DDAH1: variants seen among roughly 807,000 people sequenced by gnomAD.
DDAH1 encodes dimethylarginine dimethylaminohydrolase 1, also known as N(G),N(G)-dimethylarginine dimethylaminohydrolase 1.
DDAH1 carries 19 observed loss-of-function variants against 28.8 expected under a neutral mutation model. The ratio of observed to expected loss-of-function variants is 0.66; its 90% CI spans 0.46 to 0.97. The LOEUF is 0.97. DDAH1 is among the 50% of genes least tolerant of loss of function. DDAH1 has a pLI of 0.00. For synonymous variants in DDAH1, 153 were observed against 154.4 expected, an observed-to-expected ratio of 0.99 and a Z score of 0.07; for missense variants, 326 against 375.9, an observed-to-expected ratio of 0.87 and a Z score of 1.10.
At chr1:85,339,062 A>T (rs12754297) in intron 4 of DDAH1, among the ~76,000 whole-genome samples, 64,119 of 133,538 alleles carry the variant, frequency 0.48, 16,245 homozygotes, top group East Asian at 0.61. Context: ...AAAAAAAAAA[A>T]ATATATATAT....
intron 1 of DDAH1, among the ~76,000 whole-genome samples, chr1:85,362,395 T>G (rs1332370411): frequency 6.6e-6 from 1 of 152,196 alleles, no homozygotes; most frequent in African/African-American, 2.4e-5. Flanking sequence ...ATATTACCAC[T>G]CTAAGGGACC....
At position 85,550,748 on chromosome 1, in the gene DDAH1, A is replaced by AC. The variant is rs1557752737; in HGVS notation, c.-123+27235_-123+27236insG. Among the ~76,000 whole-genome samples, 1,440 of 150,690 alleles carry AC rather than the reference A, an allele frequency of 9.6e-3. 22 individuals carry two copies. Among genetic ancestry groups the AC allele is most frequent in the African/African-American group, 0.034 (1,394 of 41,150 alleles). ...ATAACCCAAGTAAGTAATAATAAAA[A>AC]ACACACACACACACACACACCATTT... On this transcript the variant is annotated intron_variant, in intron 1 of 6. Transcript: ENST00000426972.
intron 3 of DDAH1, 48 bp downstream of exon 3, chr1:85,351,458 T>A (rs1323102677): frequency 7.0e-7 from 1 of 1,423,390 alleles, no homozygotes; most frequent in South Asian, 1.1e-5. Flanking sequence ...TCTATGATTA[T>A]TTATTAAGTA....
chr1:85,434,896 A>G, intron 1 of DDAH1, among the ~76,000 whole-genome samples: 1 of 152,138 alleles, frequency 6.6e-6, no homozygotes, highest in South Asian at 2.1e-4. Flanking sequence ...AGTATATAAT[A>G]TGAAAGAGTA....
At chr1:85,384,035 A>G in intron 1 of DDAH1, among the ~76,000 whole-genome samples, 1 of 152,170 alleles carries the variant, frequency 6.6e-6, no homozygotes, top group Non-Finnish European at 1.5e-5. Flanking sequence ...GTATTTGATC[A>G]TGATGTGTAA....
chr1:85,363,168 G>A (rs566243065), intron 1 of DDAH1, among the ~76,000 whole-genome samples: 17 of 152,162 alleles, frequency 1.1e-4, no homozygotes, highest in South Asian at 2.1e-4. Flanking sequence ...TCACATCTTC[G>A]TTCTAAATGT....
At chr1:85,389,404 G>A (rs1651432593) in intron 1 of DDAH1, among the ~76,000 whole-genome samples, 1 of 152,062 alleles carries the variant, frequency 6.6e-6, no homozygotes, top group South Asian at 2.1e-4. Flanking sequence ...TTTTAGTCTG[G>A]GAGTCTAGAC....
intron 1 of DDAH1, among the ~76,000 whole-genome samples, chr1:85,375,689 T>G (rs1388854214): frequency 6.6e-6 from 1 of 152,192 alleles, no homozygotes; most frequent in Non-Finnish European, 1.5e-5. Flanking sequence ...TCTGTGCCCT[T>G]TATTCCAAGG....
At chr1:85,410,478 A>G (rs1342525129) in intron 1 of DDAH1, among the ~76,000 whole-genome samples, 3 of 151,918 alleles carry the variant, frequency 2.0e-5, no homozygotes, top group Non-Finnish European at 4.4e-5. Flanking sequence ...CATCTCTACT[A>G]AAAATACAAA....
intron 1 of DDAH1, among the ~76,000 whole-genome samples, chr1:85,507,954 G>A (rs780702699): frequency 1.3e-5 from 2 of 152,140 alleles, no homozygotes; most frequent in South Asian, 2.1e-4. Context: ...AGCTTACTTC[G>A]ATTCAGATTA....
chr1:85,417,933 T>C (rs1260201005), intron 1 of DDAH1, among the ~76,000 whole-genome samples: 1 of 152,260 alleles, frequency 6.6e-6, no homozygotes, highest in Non-Finnish European at 1.5e-5. Flanking sequence ...TACATATATT[T>C]ACATACCACA....
intron 1 of DDAH1, among the ~76,000 whole-genome samples, chr1:85,373,307 G>C (rs1014997193): frequency 6.6e-6 from 1 of 152,072 alleles, no homozygotes; most frequent in Non-Finnish European, 1.5e-5. Context: ...TTTAGAATCT[G>C]TGCAGTGAAC....
chr1:85,451,807 A>G (rs1654681166), intron 1 of DDAH1, among the ~76,000 whole-genome samples: 1 of 152,210 alleles, frequency 6.6e-6, no homozygotes, highest in Admixed American at 6.5e-5. Flanking sequence ...GGAAAGTAGA[A>G]GCAGTAGAAA....
At chr1:85,336,929 GA>G (rs1648169334) in intron 4 of DDAH1, among the ~76,000 whole-genome samples, 1 of 152,038 alleles carries the variant, frequency 6.6e-6, no homozygotes, top group Admixed American at 6.6e-5. Context: ...GATGAATATA[GA>G]CACAAAACTC....
intron 1 of DDAH1, among the ~76,000 whole-genome samples, chr1:85,550,792 C>T (rs563359452): frequency 3.1e-4 from 47 of 152,200 alleles, no homozygotes; most frequent in African/African-American, 9.9e-4. Flanking sequence ...TCCCTGAGCA[C>T]GTATGTATTA....
chr1:85,472,818 C>T (rs994250087), intron 2 of DDAH1, among the ~76,000 whole-genome samples: 2 of 152,208 alleles, frequency 1.3e-5, no homozygotes, highest in Non-Finnish European at 1.5e-5. Flanking sequence ...AACCCATCAT[C>T]CAAGTAGTGA....
At chr1:85,472,981 T>C (rs1485723682) in intron 2 of DDAH1, among the ~76,000 whole-genome samples, 1 of 152,236 alleles carries the variant, frequency 6.6e-6, no homozygotes, top group Non-Finnish European at 1.5e-5. Context: ...CAGTATTTGA[T>C]TTTCTGTTTC....
At chr1:85,545,672 G>C (rs962999156) in intron 1 of DDAH1, among the ~76,000 whole-genome samples, 2 of 151,958 alleles carry the variant, frequency 1.3e-5, no homozygotes, top group Non-Finnish European at 2.9e-5. Context: ...TTTTCTCCTA[G>C]CCCAAATAAT....
chr1:85,414,608 A>T (rs1354275642), intron 1 of DDAH1, among the ~76,000 whole-genome samples: 1 of 152,226 alleles, frequency 6.6e-6, no homozygotes, highest in Non-Finnish European at 1.5e-5. Context: ...CAATTGATCG[A>T]TAGGTACAGT....
Sources: gnomAD v4.1 joint callset for allele counts (sites outside exome capture counted in the v4.1 genomes callset) on GRCh38, gnomAD v4.1.1 for gene constraint, MANE v1.5 for transcripts, NCBI Gene and HGNC (gene_info 2026-07-23, HGNC 2026-07-21) for gene names.